Variants in PCSK2 observed in about 807,000 individuals in gnomAD.
PCSK2 encodes neuroendocrine convertase 2.
Under a neutral mutation model 69.7 loss-of-function variants are expected in PCSK2, and 14 were observed. The ratio of observed to expected loss-of-function variants is 0.20; its 90% confidence interval spans 0.13 to 0.31. The LOEUF (loss-of-function observed/expected upper bound fraction) is 0.31. Among genes scored for constraint, PCSK2 ranks in the 10% least tolerant of loss-of-function variants. PCSK2 has a pLI of 1.00. For missense variants in PCSK2, 544 were observed against 842.5 expected, an observed-to-expected ratio of 0.65 and a Z score of 4.39; for synonymous variants, 307 against 320.7, an observed-to-expected ratio of 0.96 and a Z score of 0.46.
rs1370591578 is a variant in PCSK2, at chr20:17,268,031, GTGTATATA to G, written c.282+7689_282+7696del. Among the ~76,000 whole-genome samples the G allele has an allele frequency of 1.0e-3, 119 of 117,962 alleles. 2 individuals carry two copies. The highest frequency in any genetic ancestry group is 3.0e-3 in the African/African-American group (102 of 34,188). The allele number at this position is 117,962 out of a possible 152,430, so 77.4% of individuals were successfully genotyped here. A position where few individuals can be genotyped will look rare whatever the true frequency, so the allele number is the denominator to read the frequency against. On this transcript the variant is annotated intron_variant, in intron 2 of 11. Transcript: ENST00000262545. ...AAGGAAATGCATTTATATATCCAAT[GTGTATATA>G]TATATATATATATATATATATATAA... is the stretch of plus-strand genomic sequence containing the variant.
chr20:17,473,038 T>C (rs1018837576), intron 11 of PCSK2, among the ~76,000 whole-genome samples: 1 of 149,886 alleles, frequency 6.7e-6, no homozygotes, highest in Non-Finnish European at 1.5e-5. Context: ...TTTATAAGAC[T>C]GGAACACTAC....
Position 17,471,567 on chromosome 20 carries a change from T to C in PCSK2, c.1430+6014T>C, listed in dbSNP as rs933870197. 6.6e-5 allele frequency among the ~76,000 whole-genome samples: 10 copies of C among 152,234 alleles called. No individual in the cohort carries two copies. The East Asian group carries it at 1.5e-3, about 24-fold the overall frequency. ...CAGCAGCAGCCGGACACAAGGGAAA[T>C]GTCTGACTGCTGGCAATAGGACCGG... On this transcript the variant is annotated intron_variant, in intron 11 of 11. Transcript: ENST00000262545.
At chr20:17,248,210 G>GTT (rs1332269375) in intron 1 of PCSK2, among the ~76,000 whole-genome samples, 2 of 133,444 alleles carry the variant, frequency 1.5e-5, no homozygotes, top group African/African-American at 5.5e-5. Flanking sequence ...GTGTGTGTGT[G>GTT]TGTGTTTCAA....
At chr20:17,365,688 G>A (rs2030565393) in intron 4 of PCSK2, among the ~76,000 whole-genome samples, 1 of 152,210 alleles carries the variant, frequency 6.6e-6, no homozygotes, top group South Asian at 2.1e-4. Context: ...ATACAATGGT[G>A]AGACAGGCAT....
chr20:17,379,951 A>T lies in PCSK2; in HGVS notation c.543+10674A>T, dbSNP rs149845269. The stretch of plus-strand genomic sequence containing the variant: ...TTGGCCTTGAAGATGCCACTGCCAT[A>T]ATGTGAACAGGGCCACATGGCAAGG... On this transcript the variant is annotated intron_variant, in intron 5 of 11. Transcript: ENST00000262545. 2.5e-3 allele frequency among the ~76,000 whole-genome samples: 387 copies of T among 152,282 alleles called. 1 individual carries two copies. The highest frequency in any genetic ancestry group is 8.8e-3 in the African/African-American group (364 of 41,544).
intron 2 of PCSK2, among the ~76,000 whole-genome samples, chr20:17,297,548 C>A (rs1988935004): frequency 6.6e-6 from 1 of 152,232 alleles, no homozygotes; most frequent in Non-Finnish European, 1.5e-5. Flanking sequence ...GCAGGAGGGG[C>A]TCAGGGGGTT....
chr20:17,301,347 A>G (rs59791652), intron 2 of PCSK2, among the ~76,000 whole-genome samples: 14,949 of 152,244 alleles, frequency 0.098, 875 homozygotes, highest in African/African-American at 0.15. Context: ...GGGCTCTGAT[A>G]TCAAAGGCCC....
intron 11 of PCSK2, among the ~76,000 whole-genome samples, chr20:17,472,630 G>A (rs1052471886): frequency 4.0e-4 from 61 of 152,212 alleles, no homozygotes; most frequent in African/African-American, 1.3e-3. Context: ...GCAGTGGCAC[G>A]ATCTTGGCTC....
chr20:17,469,174 G>A (rs1205643992), intron 11 of PCSK2, among the ~76,000 whole-genome samples: 2 of 152,166 alleles, frequency 1.3e-5, no homozygotes, highest in East Asian at 3.9e-4. Flanking sequence ...CCTCCTCTTG[G>A]CAGGACAGAC....
At chr20:17,228,518 A>T (rs1986017502) in intron 1 of PCSK2, among the ~76,000 whole-genome samples, 1 of 152,102 alleles carries the variant, frequency 6.6e-6, no homozygotes, top group African/African-American at 2.4e-5. Context: ...AGGGGAACCC[A>T]AAGGACAGAG....
intron 2 of PCSK2, among the ~76,000 whole-genome samples, chr20:17,272,738 A>G (rs1362604374): frequency 6.6e-6 from 1 of 152,094 alleles, no homozygotes; most frequent in African/African-American, 2.4e-5. Flanking sequence ...TATTAAAAGG[A>G]AATTCTAAAG....
At chr20:17,276,445 AACAC>A (rs58766799) in intron 2 of PCSK2, among the ~76,000 whole-genome samples, 18,941 of 146,882 alleles carry the variant, frequency 0.13, 1,215 homozygotes, top group Middle Eastern at 0.18. Flanking sequence ...TTTTAAATTC[AACAC>A]ACACACACAC....
intron 1 of PCSK2, among the ~76,000 whole-genome samples, chr20:17,229,101 G>T (rs1479264803): frequency 1.3e-5 from 2 of 151,954 alleles, no homozygotes; most frequent in Non-Finnish European, 2.9e-5. Flanking sequence ...ATTATTATTA[G>T]TTATACGGAA....
intron 10 of PCSK2, among the ~76,000 whole-genome samples, chr20:17,456,937 T>C (rs1279289366): frequency 3.9e-5 from 6 of 152,208 alleles, no homozygotes; most frequent in Admixed American, 2.0e-4. Flanking sequence ...TGAAACAAGA[T>C]AGGCAAAGTC....
chr20:17,458,619 A>G (rs191551088), intron 10 of PCSK2, among the ~76,000 whole-genome samples: 1 of 152,190 alleles, frequency 6.6e-6, no homozygotes, highest in Non-Finnish European at 1.5e-5. Flanking sequence ...TCTCTCTCTT[A>G]TCTTGAGATA....
At chr20:17,314,953 G>A (rs1989632216) in intron 2 of PCSK2, among the ~76,000 whole-genome samples, 1 of 152,110 alleles carries the variant, frequency 6.6e-6, no homozygotes, top group Admixed American at 6.5e-5. Context: ...TAGAGATTTA[G>A]GATAGACATA....
chr20:17,313,154 G>A (rs952881478), intron 2 of PCSK2, among the ~76,000 whole-genome samples: 4 of 152,084 alleles, frequency 2.6e-5, no homozygotes, highest in Non-Finnish European at 4.4e-5. Flanking sequence ...TTCAACACAT[G>A]ATCAATATTC....
intron 2 of PCSK2, among the ~76,000 whole-genome samples, chr20:17,334,765 G>A (rs1406058050): frequency 6.6e-6 from 1 of 152,188 alleles, no homozygotes; most frequent in East Asian, 1.9e-4. Context: ...ATGGGCCTGG[G>A]ATGGAAATCT....
rs1204562009 is a variant in PCSK2 at position 17,260,284 on chromosome 20, T to C, written c.222T>C (p.Leu74=). 1.8e-5 allele frequency: 29 copies of C among 1,613,744 alleles called. No homozygotes were observed. The highest frequency in any genetic ancestry group is 2.5e-5 in the Non-Finnish European group (29 of 1,179,858). ...EGLYHFYHNG[L]AKAKRRRSLH... ...TGTACCACTTTTATCACAATGGCCT[T>C]GCAAAGGCCAAGAGAAGACGCAGCC... Residue 74 remains leucine, a synonymous_variant, in exon 2 of 12, where the codon CTT becomes CTC. Transcript: ENST00000262545.
Sources: gnomAD v4.1 joint callset for allele counts (sites outside exome capture counted in the v4.1 genomes callset) on GRCh38, gnomAD v4.1.1 for gene constraint, MANE v1.5 for transcripts, NCBI Gene and HGNC (gene_info 2026-07-23, HGNC 2026-07-21) for gene names.